RPS6KC1: variants seen among roughly 807,000 people sequenced by gnomAD.
The protein encoded by RPS6KC1 is inactive ribosomal protein S6 kinase delta-1.
A neutral mutation model predicts 103.8 loss-of-function variants in RPS6KC1; 54 were observed. The ratio of observed to expected loss-of-function variants is 0.52; its 90% CI spans 0.42 to 0.65. The LOEUF is 0.65. RPS6KC1 is among the 30% of genes least tolerant of loss of function. RPS6KC1 has a pLI of 0.00. For synonymous variants in RPS6KC1, 439 were observed against 438.7 expected (o/e 1.00, Z -0.01); for missense variants, 1,151 against 1,253.8 (o/e 0.92, Z 1.24).
chr1:213,365,576 TA>T, the RPS6KC1 span, among the ~76,000 whole-genome samples: 3 of 152,236 alleles, frequency 2.0e-5, no homozygotes, highest in Admixed American at 1.3e-4. Flanking sequence ...AGACAGAAGA[TA>T]AAAACTTTTG....
chr1:213,771,255 T>C, the RPS6KC1 span, among the ~76,000 whole-genome samples: 1 of 152,206 alleles, frequency 6.6e-6, no homozygotes, highest in African/African-American at 2.4e-5. Flanking sequence ...TGGTATCCTG[T>C]CTTGGGTCAG....
chr1:213,348,872 G>T, the RPS6KC1 span, among the ~76,000 whole-genome samples: 1 of 152,228 alleles, frequency 6.6e-6, no homozygotes, highest in African/African-American at 2.4e-5. Context: ...AAAGTGCTTA[G>T]CACAGTGTCT....
At chr1:213,523,187 C>G in the RPS6KC1 span, among the ~76,000 whole-genome samples, 2 of 152,168 alleles carry the variant, frequency 1.3e-5, no homozygotes, top group African/African-American at 2.4e-5. Context: ...GGGGGAGCAG[C>G]TGGTCAGTGG....
chr1:213,252,414 T>C (rs1300227860), intron 12 of RPS6KC1, among the ~76,000 whole-genome samples: 1 of 152,202 alleles, frequency 6.6e-6, no homozygotes, highest in Non-Finnish European at 1.5e-5. Flanking sequence ...GAAGTCTGAT[T>C]CCCTTGGAAG....
At chr1:213,187,250 CT>C (rs758725965) in intron 8 of RPS6KC1, among the ~76,000 whole-genome samples, 239 of 135,044 alleles carry the variant, frequency 1.8e-3, no homozygotes, top group Admixed American at 2.5e-3. Context: ...TCTTCTTCTT[CT>C]TTTTTTTTTT....
the RPS6KC1 span, among the ~76,000 whole-genome samples, chr1:213,684,330 C>G: frequency 6.6e-6 from 1 of 152,004 alleles, no homozygotes. Context: ...GAACTGAGGC[C>G]CAGAGAGGCT....
chr1:213,723,579 C>T, the RPS6KC1 span, among the ~76,000 whole-genome samples: 1,324 of 152,322 alleles, frequency 8.7e-3, 27 homozygotes, highest in East Asian at 0.075. Context: ...TAGTTACCTA[C>T]TTAAGGACCC....
the RPS6KC1 span, among the ~76,000 whole-genome samples, chr1:213,652,586 T>C: frequency 6.6e-6 from 1 of 152,236 alleles, no homozygotes; most frequent in Admixed American, 6.5e-5. Flanking sequence ...ACAAAAATGA[T>C]GTTACATGAA....
intron 3 of RPS6KC1, among the ~76,000 whole-genome samples, chr1:213,078,619 C>G (rs1270832356): frequency 6.6e-6 from 1 of 152,166 alleles, no homozygotes; most frequent in Non-Finnish European, 1.5e-5. Flanking sequence ...CCAGGCTGGT[C>G]TCAAACTACT....
rs375634919 is a variant in RPS6KC1, at chr1:213,062,861, G to C, written c.106-8145G>C. On this transcript the variant is annotated intron_variant, in intron 1 of 14. Coordinates refer to ENST00000366960, the MANE Select transcript of RPS6KC1 (RefSeq NM_012424.6). ...AGCCATCGCATCCGGGCAAGAGAGT[G>C]CTTTTGACCTGACTTTTAAGGAAAC... Among the ~76,000 whole-genome samples, 3 of 152,096 alleles carry C rather than the reference G, an allele frequency of 2.0e-5. No individual in the cohort carries two copies. The South Asian group carries it at 6.2e-4, about 32-fold the overall frequency.
intron 6 of RPS6KC1, among the ~76,000 whole-genome samples, chr1:213,152,732 C>A (rs1307843826): frequency 1.3e-5 from 2 of 151,742 alleles, no homozygotes; most frequent in Non-Finnish European, 2.9e-5. Context: ...GGCGGCCGGG[C>A]GGAGACGCTC....
chr1:213,142,760 C>G (rs1322444582), intron 6 of RPS6KC1, among the ~76,000 whole-genome samples: 1 of 151,998 alleles, frequency 6.6e-6, no homozygotes, highest in Non-Finnish European at 1.5e-5. Flanking sequence ...ACTGAAGGCT[C>G]GGATGATCGT....
At chr1:213,796,326 T>C in the RPS6KC1 span, among the ~76,000 whole-genome samples, 1 of 152,202 alleles carries the variant, frequency 6.6e-6, no homozygotes, top group African/African-American at 2.4e-5. Flanking sequence ...GATTGTGTTA[T>C]TCTGTATCTT....
At chr1:213,239,440 T>C (rs1401425390) in intron 10 of RPS6KC1, among the ~76,000 whole-genome samples, 5 of 152,194 alleles carry the variant, frequency 3.3e-5, no homozygotes, top group Non-Finnish European at 7.4e-5. Flanking sequence ...ACAATTAGCC[T>C]TTATTGAGCA....
the RPS6KC1 span, among the ~76,000 whole-genome samples, chr1:213,371,813 C>T: frequency 3.1e-4 from 47 of 152,304 alleles, no homozygotes; most frequent in African/African-American, 1.0e-3. Flanking sequence ...GGTTAGCTGC[C>T]GAGCACACTG....
chr1:213,228,577 T>C (rs2094014197), intron 8 of RPS6KC1, among the ~76,000 whole-genome samples: 2 of 151,350 alleles, frequency 1.3e-5, no homozygotes, highest in Non-Finnish European at 2.9e-5. Context: ...AAAAAAAAAT[T>C]ATCCAGGCAT....
the RPS6KC1 span, among the ~76,000 whole-genome samples, chr1:213,752,291 T>C: frequency 6.6e-6 from 1 of 152,194 alleles, no homozygotes; most frequent in Non-Finnish European, 1.5e-5. Context: ...AAAAAATATT[T>C]TGGGCCTTCT....
At chr1:213,620,143 T>C in the RPS6KC1 span, among the ~76,000 whole-genome samples, 1 of 152,248 alleles carries the variant, frequency 6.6e-6, no homozygotes, top group Non-Finnish European at 1.5e-5. Flanking sequence ...TCCATTTGTG[T>C]ATGGCTGCTT....
At chr1:213,375,541 T>C in the RPS6KC1 span, among the ~76,000 whole-genome samples, 1 of 152,056 alleles carries the variant, frequency 6.6e-6, no homozygotes, top group Admixed American at 6.5e-5. Context: ...TGCCATCGGA[T>C]CCCCCACCCC....
Sources: allele counts gnomAD v4.1 joint callset (sites outside exome capture counted in the v4.1 genomes callset), GRCh38; gene constraint gnomAD v4.1.1; transcripts MANE v1.5; gene names NCBI Gene and HGNC (gene_info 2026-07-23, HGNC 2026-07-21).